The following PDCD7 variants were observed in gnomAD, a reference collection of about 807,000 sequenced individuals.
PDCD7 encodes the protein programmed cell death protein 7.
Under a neutral mutation model 42.1 loss-of-function variants are expected in PDCD7, and 40 were observed. That is an observed-to-expected ratio of 0.95 (90% CI 0.74 to 1.24). PDCD7 has a LOEUF of 1.24. PDCD7 is among the 50% of genes most tolerant of loss of function. The pLI, the probability that PDCD7 is intolerant of heterozygous loss-of-function variation, is 0.00. For synonymous variants in PDCD7, 299 were observed against 303.3 expected (o/e 0.99, Z 0.15); for missense variants, 644 against 662.8 (o/e 0.97, Z 0.31).
At chr15:65,121,651 T>C (rs2087455874) in intron 2 of PDCD7, among the ~76,000 whole-genome samples, 1 of 152,184 alleles carries the variant, frequency 6.6e-6, no homozygotes. Flanking sequence ...CCAGTAAAAC[T>C]GGGATGGTTA....
Position 65,119,750 on chromosome 15 carries a change from C to A in PDCD7, c.1214G>T (p.Arg405Leu), listed in dbSNP as rs148904606. 6.2e-7 allele frequency: 1 copy of A among 1,611,736 alleles called. No homozygotes were observed. Among genetic ancestry groups the A allele is most frequent in the African/African-American group, 1.3e-5 (1 of 74,620 alleles). ...CCCAAACAACTTGGACTCAATTTCA[C>A]GTTTCTGAAGTAAAATTTTCTCTTT... is the stretch of plus-strand genomic sequence containing the variant. ...KEKEKILLQK[R>L]EIESKLFGDP... is the part of the protein sequence containing the mutation. The change falls in exon 3 of 5, where the codon CGT becomes CTT. Residue 405 changes from arginine to leucine, a missense_variant. Transcript: ENST00000204549.
At chr15:65,128,775 G>A (rs963615353) in intron 2 of PDCD7, among the ~76,000 whole-genome samples, 3 of 152,178 alleles carry the variant, frequency 2.0e-5, no homozygotes, top group African/African-American at 4.8e-5. Flanking sequence ...CCCAGGGTAG[G>A]AATGATAAGT....
chr15:65,124,315 C>A (rs1441319236), intron 2 of PDCD7, among the ~76,000 whole-genome samples: 1 of 151,854 alleles, frequency 6.6e-6, no homozygotes, highest in Non-Finnish European at 1.5e-5. Context: ...ATCTCAGCTA[C>A]TCTGGAGGCT....
intron 1 of PDCD7, among the ~76,000 whole-genome samples, chr15:65,131,194 T>G (rs1402692519): frequency 6.6e-6 from 1 of 152,154 alleles, no homozygotes; most frequent in African/African-American, 2.4e-5. Flanking sequence ...TACATTCTCA[T>G]AGGAGCACAA....
intron 2 of PDCD7, among the ~76,000 whole-genome samples, chr15:65,122,822 TG>T (rs2087466451): frequency 6.6e-6 from 1 of 151,906 alleles, no homozygotes; most frequent in African/African-American, 2.4e-5. Flanking sequence ...GCCAACATGG[TG>T]AAACCCTGTC....
intron 1 of PDCD7, among the ~76,000 whole-genome samples, chr15:65,132,124 G>GTATATATATATATATATA (rs10570029): frequency 2.1e-5 from 3 of 140,956 alleles, no homozygotes; most frequent in African/African-American, 7.8e-5. Context: ...GTATGTATGT[G>GTATATATATATATATATA]TATATATATA....
rs572458392 is a variant in PDCD7 at position 65,129,042 on chromosome 15, T to C, written c.999A>G (p.Ala333=). 5 of 1,614,188 alleles carry C rather than the reference T, an allele frequency of 3.1e-6. No individual in the cohort carries two copies. In the East Asian group the frequency reaches 8.9e-5, roughly 29 times the overall value. The stretch of plus-strand genomic sequence containing the variant: ...CAAAGCCACAGTTACCTTTCCTCGC[T>C]GCAGCCTCTTTCCTCAGTTTCCTCA... The part of the protein sequence containing the change: ...EKLRKLRKEA[A]ARKGVCPPAS... The change falls in exon 2 of 5, where the codon GCA becomes GCG. Residue 333 remains alanine (A), a synonymous_variant. Coordinates refer to ENST00000204549, the MANE Select transcript of PDCD7 (RefSeq NM_005707.2).
Position 65,133,270 on chromosome 15 carries a change from A to G in PDCD7, c.512T>C (p.Leu171Pro). The G allele has an allele frequency of 1.5e-6, 2 of 1,330,622 alleles. No individual in the cohort carries two copies. Among genetic ancestry groups the G allele is most frequent in the South Asian group, 2.1e-5 (1 of 48,328 alleles). The allele number at this position is 1,330,622 out of a possible 1,614,324, so 82.4% of individuals were successfully genotyped here. A position where few individuals can be genotyped will look rare whatever the true frequency, so the allele number is the denominator to read the frequency against. ...VPQRTHAGPS[L>P]GEVRARLLRA... The stretch of plus-strand genomic sequence containing the variant: ...GAGCAATCGCGCGCGCACTTCGCCA[A>G]GGCTGGGCCCGGCATGCGTGCGCTG... The change falls in exon 1 of 5, where the codon CTT becomes CCT. Residue 171 changes from leucine to proline, a missense_variant. Coordinates refer to ENST00000204549, the MANE Select transcript of PDCD7 (RefSeq NM_005707.2).
At chr15:65,123,974 C>A (rs1223638846) in intron 2 of PDCD7, among the ~76,000 whole-genome samples, 7 of 152,202 alleles carry the variant, frequency 4.6e-5, no homozygotes, top group African/African-American at 1.7e-4. Context: ...CTACTAAAAT[C>A]TGTCTATGGC....
chr15:65,124,425 C>CAA (rs532726090), intron 2 of PDCD7, among the ~76,000 whole-genome samples: 6 of 132,350 alleles, frequency 4.5e-5, no homozygotes, highest in Non-Finnish European at 8.2e-5. Context: ...AACTCCGTCT[C>CAA]AAAAAAAAAA....
At position 65,129,158 on chromosome 15, in the gene PDCD7, T is replaced by A. The variant is rs766292871; in HGVS notation, c.883A>T (p.Lys295Ter). Residue 295 changes from lysine (K) to a stop codon, truncating the protein, a stop_gained, in exon 2 of 5, where the codon AAA becomes TAA. Transcript: ENST00000204549. LOFTEE classifies it high-confidence loss of function. The stretch of plus-strand genomic sequence containing the variant: ...GATAGTACGCCATCAGCGGCTGCTT[T>A]GAGTTCCTGCTCCTGGAAGAGAAAC... ...VEEKKREQEL[K>*]AAADGVLSEV... The A allele has an allele frequency of 6.2e-7, 1 of 1,613,900 alleles. No individual in the cohort carries two copies. The highest frequency in any genetic ancestry group is 8.5e-7 in the Non-Finnish European group (1 of 1,179,862).
At chr15:65,129,740 A>C (rs1421260780) in intron 1 of PDCD7, among the ~76,000 whole-genome samples, 1 of 152,022 alleles carries the variant, frequency 6.6e-6, no homozygotes, top group Non-Finnish European at 1.5e-5. Context: ...GCCACTCCTC[A>C]TAAGACTCTG....
intron 2 of PDCD7, 80 bp downstream of exon 2, chr15:65,128,952 C>A (rs554065250): frequency 1.3e-6 from 2 of 1,485,054 alleles, no homozygotes; most frequent in African/African-American, 1.4e-5. Flanking sequence ...AGTATTTTTC[C>A]CTCAATAATA....
chr15:65,131,284 C>G (rs1595929393), intron 1 of PDCD7, among the ~76,000 whole-genome samples: 3 of 152,214 alleles, frequency 2.0e-5, no homozygotes, highest in Admixed American at 2.0e-4. Flanking sequence ...GTCACTGTCT[C>G]CTATCACCCC....
chr15:65,130,837 T>C (rs1053099228), intron 1 of PDCD7, among the ~76,000 whole-genome samples: 2 of 151,664 alleles, frequency 1.3e-5, no homozygotes, highest in African/African-American at 2.4e-5. Flanking sequence ...TGCGAGACTC[T>C]GTCTCAGAAA....
Position 65,132,999 on chromosome 15 carries a change from C to CT in PDCD7, c.782dup (p.Ala262GlyfsTer14). ...GTTCCACTGCCCGCGCGGCCTCTGCCTCCCGCTCGGCCTCGCGTTCCCGGG... is the reference window on the plus strand; with the variant it reads ...GTTCCACTGCCCGCGCGGCCTCTGCCTTCCCGCTCGGCCTCGCGTTCCCGGG... On this transcript the variant is annotated frameshift_variant, in exon 1 of 5. Coordinates refer to ENST00000204549, the MANE Select transcript of PDCD7 (RefSeq NM_005707.2). LOFTEE classifies it high-confidence loss of function. 1 of 1,604,336 alleles carries CT rather than the reference C, an allele frequency of 6.2e-7. No homozygotes were observed. The highest frequency in any genetic ancestry group is 8.5e-7 in the Non-Finnish European group (1 of 1,179,546).
intron 2 of PDCD7, among the ~76,000 whole-genome samples, chr15:65,121,219 G>A (rs146547920): frequency 5.7e-4 from 86 of 151,918 alleles, no homozygotes; most frequent in Non-Finnish European, 9.6e-4. Flanking sequence ...CAACACACCC[G>A]GCTAATTTTT....
chr15:65,133,114 A>G lies in PDCD7; in HGVS notation c.668T>C (p.Leu223Pro). Residue 223 changes from leucine to proline, a missense_variant, in exon 1 of 5, where the codon CTA becomes CCA. Physicochemically the swap from Leu to Pro is moderately conservative, Grantham distance 98 (BLOSUM62 -3). Transcript: ENST00000204549. ...APLRAELAER[L>P]QPLTQAAYVG... is the part of the protein sequence containing the mutation. ...ATAGGCAGCCTGGGTCAACGGCTGT[A>G]GCCGCTCGGCCAGTTCCGCGCGCAG... 2 of 1,548,198 alleles carry G rather than the reference A, an allele frequency of 1.3e-6. No homozygotes were observed. The highest frequency in any genetic ancestry group is 1.7e-6 in the Non-Finnish European group (2 of 1,153,924).
intron 1 of PDCD7, among the ~76,000 whole-genome samples, chr15:65,130,062 TG>T (rs2087526826): frequency 6.6e-6 from 1 of 150,882 alleles, no homozygotes; most frequent in African/African-American, 2.4e-5. Context: ...CAGGCTGGTC[TG>T]GAACTCCTGG....
Sources: allele counts gnomAD v4.1 joint callset (sites outside exome capture counted in the v4.1 genomes callset), GRCh38; gene constraint gnomAD v4.1.1; transcripts MANE v1.5; gene names NCBI Gene and HGNC (gene_info 2026-07-23, HGNC 2026-07-21).